The following P2RX7 variants were observed in gnomAD, a reference collection of about 807,000 sequenced individuals.
P2RX7 encodes P2X purinoceptor 7.
A neutral mutation model predicts 71.6 loss-of-function variants in P2RX7; 62 were observed. The ratio of observed to expected loss-of-function variants is 0.87; its 90% CI spans 0.71 to 1.07. P2RX7 has a LOEUF of 1.07. Among genes scored for constraint, P2RX7 ranks in the 50% least tolerant of loss-of-function variants. P2RX7 has a pLI of 0.00. For synonymous variants in P2RX7, 299 were observed against 283.3 expected, an observed-to-expected ratio of 1.06 and a Z score of -0.56; for missense variants, 686 against 748.5, an observed-to-expected ratio of 0.92 and a Z score of 0.97.
At chr12:121,184,175 C>A in intron 12 of P2RX7, 130 bp from the exon 13 acceptor site, 1 of 1,139,390 alleles carries the variant, frequency 8.8e-7, no homozygotes, top group Non-Finnish European at 1.2e-6. Flanking sequence ...GTCCTGATAT[C>A]TACACCTAAT....
At chr12:121,162,252 T>A in intron 4 of P2RX7, 172 bp from the exon 5 acceptor site, 1 of 1,411,356 alleles carries the variant, frequency 7.1e-7, no homozygotes, top group Admixed American at 2.9e-5. Context: ...TTGCCTTGCC[T>A]TGTGTTCGTT....
chr12:121,149,695 T>C lies in P2RX7; in HGVS notation c.126-5090T>C, dbSNP rs1309389670. Among the ~76,000 whole-genome samples the C allele has an allele frequency of 2.0e-5, 3 of 152,180 alleles. No homozygotes were observed. Among genetic ancestry groups the C allele is most frequent in the African/African-American group, 7.2e-5 (3 of 41,454 alleles). On this transcript the variant is annotated intron_variant, in intron 1 of 12. Transcript: ENST00000328963. This position sits in a 1 kb window ranked among gnomAD's most constrained non-coding sequence, Gnocchi z 4.7. ...GCCAAACCATATCAGTGGCCCTGGC[T>C]TCTCTCCCATTAGCTCTGTTCTACT...
chr12:121,174,548 T>C (rs185352723), intron 8 of P2RX7, among the ~76,000 whole-genome samples: 1 of 152,018 alleles, frequency 6.6e-6, no homozygotes, highest in East Asian at 1.9e-4. Flanking sequence ...AAAACACAAC[T>C]TCAGCCTTTA....
In P2RX7 at chr12:121,162,545, C is replaced by T. The variant is rs779482149; in HGVS notation, c.533+25C>T. Reference sequence around the variant, plus strand: ...GGTGAGTCGCATGGGGAGACAGACACAGTGGCCCTCAGCGGCGACCAGATG... The same window carrying T: ...GGTGAGTCGCATGGGGAGACAGACATAGTGGCCCTCAGCGGCGACCAGATG... On this transcript the variant is annotated intron_variant, in intron 5 of 12. Coordinates refer to ENST00000328963, the MANE Select transcript of P2RX7 (RefSeq NM_002562.6). 35 of 1,608,704 alleles carry T rather than the reference C, an allele frequency of 2.2e-5. No individual in the cohort carries two copies. In the East Asian group the frequency reaches 7.8e-4, roughly 36 times the overall value.
intron 1 of P2RX7, among the ~76,000 whole-genome samples, chr12:121,146,194 C>T (rs974945077): frequency 3.3e-5 from 5 of 152,006 alleles, no homozygotes; most frequent in Non-Finnish European, 5.9e-5. Context: ...TCACAGCCCC[C>T]ATCCTACGGG....
At chr12:121,141,909 G>A (rs923419274) in intron 1 of P2RX7, among the ~76,000 whole-genome samples, 1 of 152,096 alleles carries the variant, frequency 6.6e-6, no homozygotes, top group African/African-American at 2.4e-5. Context: ...CTTGCAGCTA[G>A]GACACAACAG....
At chr12:121,135,384 T>G (rs1045919515) in intron 1 of P2RX7, among the ~76,000 whole-genome samples, 1 of 151,750 alleles carries the variant, frequency 6.6e-6, no homozygotes, top group African/African-American at 2.4e-5. Flanking sequence ...TAATAGTATA[T>G]ATGTATATAA....
chr12:121,163,634 T>C (rs1428739483), intron 5 of P2RX7, among the ~76,000 whole-genome samples: 1 of 85,270 alleles, frequency 1.2e-5, no homozygotes, highest in South Asian at 2.6e-4. Flanking sequence ...GATAGATAGA[T>C]AGATAGATAG....
At position 121,156,116 on chromosome 12, in the gene P2RX7, C is replaced by CCG. The variant is rs1225035888; in HGVS notation, c.332_333insCG (p.Gly113LysfsTer42). On this transcript the variant is annotated frameshift_variant, in exon 3 of 13. Transcript: ENST00000328963. LOFTEE classifies it high-confidence loss of function. ...TTCGTGATGACAAACTTTCTCAAAACAGAAGGCCAAGAGCAGCGGTTGTGT... is the reference window on the plus strand; with the variant it reads ...TTCGTGATGACAAACTTTCTCAAAACCGAGAAGGCCAAGAGCAGCGGTTGTGT... 1.9e-6 allele frequency: 3 copies of CCG among 1,614,062 alleles called. No individual in the cohort carries two copies. In the Admixed American group the frequency reaches 5.0e-5, roughly 27 times the overall value.
intron 8 of P2RX7, 29 bp downstream of exon 8, chr12:121,167,653 C>A: frequency 1.3e-6 from 2 of 1,493,944 alleles, no homozygotes; most frequent in Non-Finnish European, 1.8e-6. Context: ...TCAAACTCAC[C>A]CAGTGGCTGA....
intron 4 of P2RX7, chr12:121,162,157 C>A: frequency 9.4e-7 from 1 of 1,064,476 alleles, no homozygotes; most frequent in Non-Finnish European, 1.2e-6. Flanking sequence ...CCCTCATGGG[C>A]ACCTTTTCTT....
At chr12:121,175,367 C>T (rs1386454581) in intron 8 of P2RX7, 21 bp from the exon 9 acceptor site, 1 of 1,308,506 alleles carries the variant, frequency 7.6e-7, no homozygotes, top group South Asian at 1.3e-5. Context: ...CTTACAAATA[C>T]AGATCCTTTT....
At chr12:121,175,631 C>T (rs1204471008) in intron 9 of P2RX7, among the ~76,000 whole-genome samples, 153 bp downstream of exon 9, 1 of 152,112 alleles carries the variant, frequency 6.6e-6, no homozygotes, top group African/African-American at 2.4e-5. Flanking sequence ...AAGATGTTCT[C>T]GGGCTGCTGT....
chr12:121,139,398 G>C (rs1874357472), intron 1 of P2RX7, among the ~76,000 whole-genome samples: 1 of 152,222 alleles, frequency 6.6e-6, no homozygotes, highest in South Asian at 2.1e-4. Context: ...GAAGACTAAG[G>C]AAGATTGAGA....
intron 8 of P2RX7, among the ~76,000 whole-genome samples, chr12:121,173,681 C>T (rs1882590161): frequency 6.6e-6 from 1 of 152,200 alleles, no homozygotes; most frequent in Non-Finnish European, 1.5e-5. Flanking sequence ...ACTAGGGAAA[C>T]AGCTTAGGGT....
intron 1 of P2RX7, among the ~76,000 whole-genome samples, chr12:121,153,570 C>T (rs1316106494): frequency 1.3e-5 from 2 of 151,990 alleles, no homozygotes; most frequent in African/African-American, 2.4e-5. Flanking sequence ...CCCAGCTACT[C>T]GGAAGGCTGA....
intron 3 of P2RX7, among the ~76,000 whole-genome samples, chr12:121,156,495 C>A (rs1270657646): frequency 6.6e-6 from 1 of 152,230 alleles, no homozygotes; most frequent in Non-Finnish European, 1.5e-5. Context: ...TTACTTGAGG[C>A]TCACAATGAC....
At position 121,152,015 on chromosome 12, in the gene P2RX7, A is replaced by T. The variant is rs572107301; in HGVS notation, c.126-2770A>T. Among the ~76,000 whole-genome samples the T allele has an allele frequency of 2.3e-3, 347 of 151,676 alleles. 2 individuals carry two copies. Among genetic ancestry groups the T allele is most frequent in the African/African-American group, 7.8e-3 (323 of 41,332 alleles). ...ATTGTTTTCAAGGTTCATCAATATT[A>T]CTCGCCCAGGCTGGAGTGCAGTAAT... is the stretch of plus-strand genomic sequence containing the variant. On this transcript the variant is annotated intron_variant, in intron 1 of 12. Transcript: ENST00000328963.
chr12:121,153,429 G>GCTCA (rs1291249585), intron 1 of P2RX7, among the ~76,000 whole-genome samples: 5 of 152,056 alleles, frequency 3.3e-5, no homozygotes, highest in Non-Finnish European at 5.9e-5. Context: ...TGTAATCCCA[G>GCTCA]CACTTTGGGA....
Sources: gnomAD v4.1 joint callset for allele counts (sites outside exome capture counted in the v4.1 genomes callset) on GRCh38, gnomAD v4.1.1 for gene constraint, Gnocchi (gnomAD v3.1) non-coding constraint, MANE v1.5 for transcripts, NCBI Gene and HGNC (gene_info 2026-07-23, HGNC 2026-07-21) for gene names.